TEC: variants seen among roughly 807,000 people sequenced by gnomAD.
TEC encodes tyrosine-protein kinase Tec.
Under a neutral mutation model 93.0 loss-of-function variants are expected in TEC, and 72 were observed. That is an observed-to-expected ratio of 0.77 (90% CI 0.64 to 0.94). The LOEUF is 0.94. TEC is among the 40% of genes least tolerant of loss of function. The pLI is 0.00. For missense variants in TEC, 630 were observed against 757.9 expected, an observed-to-expected ratio of 0.83 and a Z score of 1.98; for synonymous variants, 249 against 247.7, an observed-to-expected ratio of 1.01 and a Z score of -0.05.
rs891687927 is a variant in TEC at position 48,148,759 on chromosome 4, A to G, written c.1006+798T>C. On this transcript the variant is annotated intron_variant, in intron 11 of 17. Coordinates refer to ENST00000381501, the MANE Select transcript of TEC (RefSeq NM_003215.3). Reference sequence around the variant, plus strand: ...GTCATGGGGGTCTGTTGTACAGATTATTTCATCACCCAGGTATTAAGCCTA... The same window carrying G: ...GTCATGGGGGTCTGTTGTACAGATTGTTTCATCACCCAGGTATTAAGCCTA... Among the ~76,000 whole-genome samples, 4 of 152,158 alleles carry G rather than the reference A, an allele frequency of 2.6e-5. No homozygotes were observed. The South Asian group carries it at 8.3e-4, about 31-fold the overall frequency.
intron 2 of TEC, among the ~76,000 whole-genome samples, chr4:48,223,127 T>C (rs1005261500): frequency 1.4e-5 from 2 of 142,994 alleles, no homozygotes; most frequent in Non-Finnish European, 3.1e-5. Flanking sequence ...TTGAAGAAAG[T>C]ATAAAGACAA....
intron 1 of TEC, among the ~76,000 whole-genome samples, chr4:48,247,427 C>T (rs1479822439): frequency 1.4e-4 from 21 of 152,190 alleles, no homozygotes; most frequent in Non-Finnish European, 4.4e-5. Flanking sequence ...CACACAAAAA[C>T]TTGTATGTGA....
chr4:48,263,701 C>A (rs1400511116), intron 1 of TEC, among the ~76,000 whole-genome samples: 3 of 151,828 alleles, frequency 2.0e-5, no homozygotes, highest in African/African-American at 7.3e-5. Context: ...TCTCCACCCC[C>A]GCCAAAAAAA....
At chr4:48,180,497 A>C (rs1721540968) in intron 2 of TEC, among the ~76,000 whole-genome samples, 1 of 152,178 alleles carries the variant, frequency 6.6e-6, no homozygotes, top group African/African-American at 2.4e-5. Context: ...TATCCTACAG[A>C]GTGGGGCAGT....
intron 10 of TEC, 48 bp from the exon 11 acceptor site, chr4:48,149,738 C>T: frequency 1.3e-6 from 2 of 1,549,346 alleles, no homozygotes; most frequent in Non-Finnish European, 8.7e-7. Context: ...AATAATAGAA[C>T]TTCATTCTTA....
At chr4:48,213,632 C>G (rs1722980933) in intron 2 of TEC, among the ~76,000 whole-genome samples, 1 of 152,176 alleles carries the variant, frequency 6.6e-6, no homozygotes, top group African/African-American at 2.4e-5. Context: ...GTTGGTGTGT[C>G]TGAAATAGTT....
chr4:48,237,315 G>T (rs1342985829), intron 1 of TEC, among the ~76,000 whole-genome samples: 8 of 135,220 alleles, frequency 5.9e-5, no homozygotes, highest in Admixed American at 3.7e-4. Context: ...GTAAGACTCT[G>T]TCTCAAAAAA....
intron 2 of TEC, among the ~76,000 whole-genome samples, chr4:48,204,873 C>T (rs541315170): frequency 6.6e-6 from 1 of 152,198 alleles, no homozygotes; most frequent in African/African-American, 2.4e-5. Flanking sequence ...AGGCCACGCA[C>T]CGAAACCGGT....
chr4:48,240,129 A>G (rs1723888362), intron 1 of TEC, among the ~76,000 whole-genome samples: 1 of 152,170 alleles, frequency 6.6e-6, no homozygotes, highest in African/African-American at 2.4e-5. Flanking sequence ...AGTATAGACA[A>G]AATAAAATTG....
At chr4:48,224,900 A>G (rs1486138234) in intron 2 of TEC, among the ~76,000 whole-genome samples, 1 of 152,208 alleles carries the variant, frequency 6.6e-6, no homozygotes, top group Non-Finnish European at 1.5e-5. Flanking sequence ...AACATTATGA[A>G]CTGAGAGTTT....
chr4:48,155,814 G>A (rs1276006065), intron 9 of TEC: 1 of 152,184 alleles, frequency 6.6e-6, no homozygotes, highest in Admixed American at 6.5e-5. Context: ...TAGGTTTGTG[G>A]ATGGCAGTTC....
intron 9 of TEC, 46 bp downstream of exon 9, chr4:48,156,634 A>C (rs968031160): frequency 7.7e-6 from 12 of 1,559,020 alleles, no homozygotes; most frequent in Non-Finnish European, 1.0e-5. Flanking sequence ...TGGACTCATT[A>C]AAATTAATTT....
intron 1 of TEC, among the ~76,000 whole-genome samples, chr4:48,253,802 C>T (rs10805167): frequency 0.93 from 141,754 of 152,070 alleles, 66,917 homozygotes; most frequent in East Asian, 1. Context: ...CTTGAACTCC[C>T]GACCTCAGGT....
chr4:48,227,819 T>C (rs1388604960), intron 2 of TEC, among the ~76,000 whole-genome samples: 1 of 151,970 alleles, frequency 6.6e-6, no homozygotes, highest in Non-Finnish European at 1.5e-5. Flanking sequence ...ACCCAACATG[T>C]CAGAAGCAAA....
At chr4:48,269,398 G>A (rs76723198) in intron 1 of TEC, among the ~76,000 whole-genome samples, 6 of 152,284 alleles carry the variant, frequency 3.9e-5, no homozygotes, top group Non-Finnish European at 8.8e-5. Context: ...CCGCTGGGAC[G>A]TGACCCCAAC....
At chr4:48,195,008 G>A (rs558926145) in intron 2 of TEC, among the ~76,000 whole-genome samples, 31 of 152,300 alleles carry the variant, frequency 2.0e-4, no homozygotes, top group African/African-American at 7.0e-4. Flanking sequence ...CTGAGTGCTT[G>A]ATGATATTAA....
At chr4:48,229,555 C>A (rs1419131599) in intron 1 of TEC, among the ~76,000 whole-genome samples, 1 of 150,134 alleles carries the variant, frequency 6.7e-6, no homozygotes, top group Non-Finnish European at 1.5e-5. Flanking sequence ...TTGGGCAGAT[C>A]ACTTTAGGTG....
intron 2 of TEC, among the ~76,000 whole-genome samples, chr4:48,199,447 TTTTC>T (rs1480260241): frequency 4.5e-4 from 64 of 142,404 alleles, no homozygotes; most frequent in Non-Finnish European, 6.7e-4. Context: ...ACAGAAAGGA[TTTTC>T]TTTCTTTTTT....
At chr4:48,214,989 C>T (rs556468334) in intron 2 of TEC, among the ~76,000 whole-genome samples, 1 of 151,896 alleles carries the variant, frequency 6.6e-6, no homozygotes, top group Non-Finnish European at 1.5e-5. Context: ...CCTGTCTCTA[C>T]TAAAAATACA....
Sources: gnomAD v4.1 joint callset for allele counts (sites outside exome capture counted in the v4.1 genomes callset) on GRCh38, gnomAD v4.1.1 for gene constraint, MANE v1.5 for transcripts, NCBI Gene and HGNC (gene_info 2026-07-23, HGNC 2026-07-21) for gene names.